The following VPS8 variants were observed in gnomAD, a reference collection of about 807,000 sequenced individuals.
VPS8 encodes the protein VPS8 subunit of CORVET complex.
In VPS8, 129 loss-of-function variants were observed where a neutral mutation model predicts 216.4. That is an observed-to-expected ratio of 0.60 (90% CI 0.52 to 0.69). The LOEUF (loss-of-function observed/expected upper bound fraction) is 0.69, where lower values mean the gene tolerates loss of function less well. VPS8 is among the 30% of genes least tolerant of loss of function. The pLI is 0.00. For missense variants in VPS8, 1,531 were observed against 1,683.5 expected, an observed-to-expected ratio of 0.91 and a Z score of 1.59; for synonymous variants, 571 against 565.4, an observed-to-expected ratio of 1.01 and a Z score of -0.14.
chr3:184,848,211 C>G (rs1723503860), intron 8 of VPS8, among the ~76,000 whole-genome samples: 1 of 152,114 alleles, frequency 6.6e-6, no homozygotes, highest in Non-Finnish European at 1.5e-5. Flanking sequence ...CCGTGCCTAG[C>G]CACTTTTAGC....
chr3:184,826,969 C>T (rs1718932466), intron 3 of VPS8, among the ~76,000 whole-genome samples: 1 of 152,218 alleles, frequency 6.6e-6, no homozygotes, highest in African/African-American at 2.4e-5. Flanking sequence ...CCTGCATCTG[C>T]TGACAACCCT....
chr3:184,902,146 A>T, intron 25 of VPS8, among the ~76,000 whole-genome samples: 1 of 133,058 alleles, frequency 7.5e-6, no homozygotes, highest in African/African-American at 2.9e-5. Flanking sequence ...ATTGGTGGAG[A>T]TGACCTGGGG....
At chr3:185,030,714 G>A (rs1757997948) in intron 46 of VPS8, among the ~76,000 whole-genome samples, 1 of 152,194 alleles carries the variant, frequency 6.6e-6, no homozygotes, top group Non-Finnish European at 1.5e-5. Context: ...CTCAGAAGTT[G>A]ATTTTCAGTT....
intron 3 of VPS8, among the ~76,000 whole-genome samples, chr3:184,829,914 C>G (rs917609588): frequency 1.3e-5 from 2 of 152,028 alleles, no homozygotes; most frequent in African/African-American, 4.8e-5. Context: ...AATACAAGCC[C>G]TTTATTTGAT....
chr3:184,910,128 A>ATTTTTTT (rs10707371), intron 25 of VPS8, among the ~76,000 whole-genome samples: 3 of 87,256 alleles, frequency 3.4e-5, no homozygotes, highest in African/African-American at 4.5e-5. Context: ...AGATTCTCCT[A>ATTTTTTT]TTTTTTTTTT....
intron 36 of VPS8, among the ~76,000 whole-genome samples, chr3:184,946,328 A>G (rs190075622): frequency 4.4e-4 from 67 of 152,338 alleles, no homozygotes; most frequent in Non-Finnish European, 7.8e-4. Flanking sequence ...CCTTGCTTCA[A>G]AGTTAAACTG....
intron 46 of VPS8, among the ~76,000 whole-genome samples, chr3:185,047,787 C>T (rs758759956): frequency 6.6e-5 from 10 of 152,104 alleles, no homozygotes; most frequent in Non-Finnish European, 1.5e-4. Flanking sequence ...CCTAAAGTTA[C>T]ATAGCAGGTT....
chr3:184,860,468 T>TACAC (rs59791657), intron 15 of VPS8, among the ~76,000 whole-genome samples: 7,160 of 147,232 alleles, frequency 0.049, 178 homozygotes, highest in Middle Eastern at 0.086. Context: ...TACACACACA[T>TACAC]ACACACACAC....
intron 40 of VPS8, among the ~76,000 whole-genome samples, chr3:184,977,979 A>AT (rs1189398946): frequency 8.7e-5 from 13 of 149,808 alleles, no homozygotes; most frequent in African/African-American, 2.9e-4. Context: ...CTCCTCCGTA[A>AT]TTTTTTTGGA....
At chr3:184,817,324 A>G (rs1716543352) in intron 1 of VPS8, 1 of 152,394 alleles carries the variant, frequency 6.6e-6, no homozygotes, top group Admixed American at 6.5e-5. Flanking sequence ...GCTGTGTCAT[A>G]TCGGCACGGG....
intron 36 of VPS8, among the ~76,000 whole-genome samples, chr3:184,952,766 C>G (rs1482811174): frequency 6.6e-6 from 1 of 152,168 alleles, no homozygotes; most frequent in African/African-American, 2.4e-5. Flanking sequence ...AAGCAGATGA[C>G]ACGAAAACCC....
At chr3:184,816,186 A>G (rs902471343) in intron 1 of VPS8, 1 of 152,190 alleles carries the variant, frequency 6.6e-6, no homozygotes, top group African/African-American at 2.4e-5. Context: ...TACCTCACAC[A>G]CATATTGATA....
intron 1 of VPS8, chr3:184,813,963 A>G (rs1715751573): frequency 6.6e-6 from 1 of 152,260 alleles, no homozygotes; most frequent in Admixed American, 6.5e-5. Context: ...ACATAGTGGT[A>G]AGATCAAACT....
intron 1 of VPS8, among the ~76,000 whole-genome samples, chr3:184,821,823 C>A (rs894633564): frequency 7.2e-5 from 11 of 152,092 alleles, no homozygotes; most frequent in Admixed American, 2.0e-4. Flanking sequence ...AATGTGGGAT[C>A]TGCTCAGCCA....
chr3:184,912,285 G>T (rs370642773), intron 25 of VPS8, among the ~76,000 whole-genome samples: 54 of 152,260 alleles, frequency 3.5e-4, no homozygotes, highest in Middle Eastern at 3.4e-3. Context: ...TAGAATAGAG[G>T]AAGAAGTCAA....
At chr3:185,051,341 T>A (rs1488498677) in intron 47 of VPS8, among the ~76,000 whole-genome samples, 2 of 152,110 alleles carry the variant, frequency 1.3e-5, no homozygotes, top group Non-Finnish European at 2.9e-5. Flanking sequence ...GGGGTTCCAC[T>A]CTGGAACCCC....
intron 1 of VPS8, among the ~76,000 whole-genome samples, chr3:184,820,003 G>T (rs911275409): frequency 6.6e-6 from 1 of 152,180 alleles, no homozygotes; most frequent in Non-Finnish European, 1.5e-5. Flanking sequence ...AGGCTGAGGA[G>T]GAGGAGGAGG....
At chr3:184,868,491 C>G (rs1466645595) in intron 18 of VPS8, among the ~76,000 whole-genome samples, 1 of 152,178 alleles carries the variant, frequency 6.6e-6, no homozygotes, top group Non-Finnish European at 1.5e-5. Flanking sequence ...AGGCTGTCTC[C>G]TACCTCTTAA....
At chr3:184,834,592 A>C in intron 4 of VPS8, 57 bp from the exon 5 acceptor site, 142 of 1,287,440 alleles carry the variant, frequency 1.1e-4, no homozygotes, top group Non-Finnish European at 1.4e-4. Flanking sequence ...AAGCTTTGGG[A>C]CCTCTCCTTT....
Sources: gnomAD v4.1 joint callset for allele counts (sites outside exome capture counted in the v4.1 genomes callset) on GRCh38, gnomAD v4.1.1 for gene constraint, MANE v1.5 for transcripts, NCBI Gene and HGNC (gene_info 2026-07-23, HGNC 2026-07-21) for gene names.